RAPGEF2: variants seen among roughly 807,000 people sequenced by gnomAD.
The protein encoded by RAPGEF2 is PDZ domain containing guanine nucleotide exchange factor (GEF) 1.
A neutral mutation model predicts 186.7 loss-of-function variants in RAPGEF2; 54 were observed. The ratio of observed to expected loss-of-function variants is 0.29; its 90% CI spans 0.23 to 0.36. The LOEUF (loss-of-function observed/expected upper bound fraction) is 0.36, where lower values mean the gene tolerates loss of function less well. RAPGEF2 is among the 10% of genes least tolerant of loss of function. The probability of loss-of-function intolerance (pLI) is 1.00; values close to 1 mark genes in which losing one functional copy is unlikely to be tolerated. For synonymous variants in RAPGEF2, 712 were observed against 705.9 expected (o/e 1.01, Z -0.14); for missense variants, 1,532 against 2,045.0 (o/e 0.75, Z 4.84).
At chr4:159,336,132 A>T (rs1767385382) in intron 17 of RAPGEF2, among the ~76,000 whole-genome samples, 1 of 151,174 alleles carries the variant, frequency 6.6e-6, no homozygotes, top group African/African-American at 2.4e-5. Context: ...ATGAATTTGA[A>T]ATAATTCACA....
rs563424993 is a variant in RAPGEF2 at position 159,219,089 on chromosome 4, G to T, written c.281+8506G>T. On this transcript the variant is annotated intron_variant, in intron 4 of 29. Coordinates refer to ENST00000691494, the MANE Select transcript of RAPGEF2 (RefSeq NM_001394067.2). Reference sequence around the variant, plus strand: ...CATGTGCATAAATATATATTTGTTTGTGTGTATGTGTATCAGTTCATCCTC... The same window carrying T: ...CATGTGCATAAATATATATTTGTTTTTGTGTATGTGTATCAGTTCATCCTC... Among the ~76,000 whole-genome samples the T allele has an allele frequency of 2.6e-5, 4 of 152,230 alleles. No homozygotes were observed. The East Asian group carries it at 7.7e-4, about 29-fold the overall frequency.
chr4:159,116,819 A>G (rs768677624), intron 1 of RAPGEF2, among the ~76,000 whole-genome samples: 5 of 152,190 alleles, frequency 3.3e-5, no homozygotes, highest in Admixed American at 6.5e-5. Flanking sequence ...CAAACACTGC[A>G]TGTTCTCACT....
chr4:159,136,711 A>T lies in RAPGEF2; in HGVS notation c.69+32480A>T, dbSNP rs75995896. Among the ~76,000 whole-genome samples the T allele has an allele frequency of 1.0e-3, 159 of 152,306 alleles. 2 individuals carry two copies. The East Asian group carries it at 0.028, about 27-fold the overall frequency. On this transcript the variant is annotated intron_variant, in intron 1 of 29. Transcript: ENST00000691494. ...TGTAAATTTCAGTTCTGTTTTCTAT[A>T]ATTATATATTTTACTCTAATAATAG...
chr4:159,238,929 A>G (rs2111466524), intron 5 of RAPGEF2, 45 bp downstream of exon 5: 4 of 1,338,624 alleles, frequency 3.0e-6, no homozygotes, highest in Non-Finnish European at 3.9e-6. Context: ...AAAAAATTGT[A>G]TGAAATAAAG....
chr4:159,167,930 C>G (rs893421654), intron 1 of RAPGEF2, among the ~76,000 whole-genome samples: 4 of 152,160 alleles, frequency 2.6e-5, no homozygotes, highest in Admixed American at 2.0e-4. Flanking sequence ...CTTTGATTTA[C>G]TAACATTTTT....
At chr4:159,285,321 TG>T (rs1439965427) in intron 7 of RAPGEF2, among the ~76,000 whole-genome samples, 2 of 152,228 alleles carry the variant, frequency 1.3e-5, no homozygotes, top group Non-Finnish European at 2.9e-5. Flanking sequence ...TTGTTATTGA[TG>T]TTTTGGTTAC....
At chr4:159,138,492 C>A (rs1432123497) in intron 1 of RAPGEF2, among the ~76,000 whole-genome samples, 1 of 151,758 alleles carries the variant, frequency 6.6e-6, no homozygotes, top group Non-Finnish European at 1.5e-5. Context: ...AATTTCAGAC[C>A]TTAGGATGTA....
At position 159,181,575 on chromosome 4, in the gene RAPGEF2, C is replaced by CTTTTTTT. The variant is rs531646826; in HGVS notation, c.70-5052_70-5046dup. 5.8e-5 allele frequency among the ~76,000 whole-genome samples: 7 copies of CTTTTTTT among 121,386 alleles called. 1 individual carries two copies. The highest frequency in any genetic ancestry group is 2.4e-4 in the East Asian group (1 of 4,200). 79.6% of individuals were successfully genotyped at this position (121,386 alleles called of 152,430 possible). ...AGCTCCTCAGAAATGGGAAGACAGTCTTTTTTTTTTTTTTTTTTTTTGAGA... is the reference window on the plus strand; with the variant it reads ...AGCTCCTCAGAAATGGGAAGACAGTCTTTTTTTTTTTTTTTTTTTTTTTTTTTTGAGA... On this transcript the variant is annotated intron_variant, in intron 1 of 29. Coordinates refer to ENST00000691494, the MANE Select transcript of RAPGEF2 (RefSeq NM_001394067.2).
rs542781543 is a variant in RAPGEF2, at chr4:159,165,862, C to T, written c.70-20780C>T. Among the ~76,000 whole-genome samples the T allele has an allele frequency of 3.3e-5, 5 of 151,950 alleles. No individual in the cohort carries two copies. In the South Asian group the frequency reaches 1.0e-3, roughly 32 times the overall value. On this transcript the variant is annotated intron_variant, in intron 1 of 29. Coordinates refer to ENST00000691494, the MANE Select transcript of RAPGEF2 (RefSeq NM_001394067.2). ...CCAGCCTCTGCCTCCCAAAGTGCTG[C>T]GATTACAGGCATGAACCACTGTGCC...
chr4:159,242,981 G>A (rs1257340394), intron 6 of RAPGEF2, among the ~76,000 whole-genome samples: 1 of 151,638 alleles, frequency 6.6e-6, no homozygotes, highest in Non-Finnish European at 1.5e-5. Context: ...TAGTTGGGTG[G>A]GCCATTTAAT....
chr4:159,199,171 T>G (rs559160928), intron 3 of RAPGEF2, among the ~76,000 whole-genome samples: 2 of 152,048 alleles, frequency 1.3e-5, no homozygotes, highest in African/African-American at 4.8e-5. Flanking sequence ...CTCAACCACC[T>G]CGCCTGTATG....
rs912965075 is a variant in RAPGEF2 at position 159,204,065 on chromosome 4, T to C, written c.198-6435T>C. Among the ~76,000 whole-genome samples, 5 of 152,328 alleles carry C rather than the reference T, an allele frequency of 3.3e-5. No individual in the cohort carries two copies. In the East Asian group the frequency reaches 7.7e-4, roughly 24 times the overall value. On this transcript the variant is annotated intron_variant, in intron 3 of 29. Transcript: ENST00000691494. ...GACCATGGGGTTCATCAGAAGGATG[T>C]CATCTGATCCGATTTACCTGAGCAA...
intron 1 of RAPGEF2, among the ~76,000 whole-genome samples, chr4:159,150,209 TG>T (rs1743392162): frequency 6.6e-6 from 1 of 152,144 alleles, no homozygotes; most frequent in African/African-American, 2.4e-5. Flanking sequence ...AAAGTCACCA[TG>T]ACCACTGAAT....
chr4:159,279,281 T>G (rs999089396), intron 7 of RAPGEF2, among the ~76,000 whole-genome samples: 5 of 152,186 alleles, frequency 3.3e-5, no homozygotes, highest in African/African-American at 1.2e-4. Flanking sequence ...ATTGGCAGGT[T>G]TTTCTTGTAC....
intron 1 of RAPGEF2, among the ~76,000 whole-genome samples, chr4:159,171,224 C>G (rs1467522230): frequency 1.3e-5 from 2 of 152,150 alleles, no homozygotes; most frequent in African/African-American, 4.8e-5. Context: ...TACTGATAAC[C>G]TCCTTCACCC....
chr4:159,209,331 A>G (rs999620460), intron 3 of RAPGEF2, among the ~76,000 whole-genome samples: 1 of 152,210 alleles, frequency 6.6e-6, no homozygotes, highest in African/African-American at 2.4e-5. Flanking sequence ...TATATGAAAA[A>G]CAAACTGAGA....
chr4:159,175,195 GA>G (rs1384231784), intron 1 of RAPGEF2, among the ~76,000 whole-genome samples: 1 of 152,156 alleles, frequency 6.6e-6, no homozygotes, highest in Non-Finnish European at 1.5e-5. Flanking sequence ...ACAATCCTAG[GA>G]GATTGTTTTT....
chr4:159,247,168 A>G (rs927574522), intron 7 of RAPGEF2, among the ~76,000 whole-genome samples: 3 of 152,168 alleles, frequency 2.0e-5, no homozygotes, highest in Non-Finnish European at 2.9e-5. Context: ...TATTTCTTGT[A>G]TCATAGAAAA....
intron 7 of RAPGEF2, among the ~76,000 whole-genome samples, chr4:159,285,790 C>G (rs987575342): frequency 6.6e-6 from 1 of 152,236 alleles, no homozygotes; most frequent in East Asian, 1.9e-4. Context: ...TATTCCCTCC[C>G]TCATCATCAT....
Sources: allele counts gnomAD v4.1 joint callset (sites outside exome capture counted in the v4.1 genomes callset), GRCh38; gene constraint gnomAD v4.1.1; transcripts MANE v1.5; gene names NCBI Gene and HGNC (gene_info 2026-07-23, HGNC 2026-07-21).